GTF2E2: variants seen among roughly 807,000 people sequenced by gnomAD.
GTF2E2 encodes the protein transcription initiation factor IIE subunit beta.
Under a neutral mutation model 40.5 loss-of-function variants are expected in GTF2E2, and 21 were observed. That is an observed-to-expected ratio of 0.52 (90% CI 0.37 to 0.75). The LOEUF (loss-of-function observed/expected upper bound fraction) is 0.75, where lower values mean the gene tolerates loss of function less well. Ranked by LOEUF, GTF2E2 falls within the 30% of genes least tolerant of loss-of-function variation. GTF2E2 has a pLI of 0.00. For missense variants in GTF2E2, 298 were observed against 338.4 expected, an observed-to-expected ratio of 0.88 and a Z score of 0.94; for synonymous variants, 117 against 121.6, an observed-to-expected ratio of 0.96 and a Z score of 0.25.
chr8:30,581,706 T>G (rs1828518726), intron 6 of GTF2E2, among the ~76,000 whole-genome samples: 2 of 152,238 alleles, frequency 1.3e-5, no homozygotes, highest in Non-Finnish European at 2.9e-5. Context: ...CTGCACACAT[T>G]ATGGACATGA....
intron 2 of GTF2E2, among the ~76,000 whole-genome samples, chr8:30,635,356 C>A (rs758041028): frequency 1.3e-5 from 2 of 152,088 alleles, no homozygotes; most frequent in African/African-American, 2.4e-5. Context: ...AACCACAATT[C>A]TTTTATAAAT....
Position 30,636,954 on chromosome 8 carries a change from A to C in GTF2E2, c.167-1831T>G, listed in dbSNP as rs1176926390. On this transcript the variant is annotated intron_variant, in intron 2 of 7. Coordinates refer to ENST00000355904, the MANE Select transcript of GTF2E2 (RefSeq NM_002095.6). ...CGTAGTTCATTCTCCCAAGGTGTTC[A>C]GCACATCTGTAATAAAAGTAACCAA... The C allele has an allele frequency of 9.0e-6, 4 of 444,778 alleles. 1 individual carries two copies. The highest frequency in any genetic ancestry group is 2.6e-5 in the Admixed American group (1 of 39,096). 27.6% of individuals were successfully genotyped at this position (444,778 alleles called of 1,614,324 possible). A position where few individuals can be genotyped will look rare whatever the true frequency, so the allele number is the denominator to read the frequency against.
intron 6 of GTF2E2, chr8:30,596,916 T>C (rs1204912049): frequency 6.6e-6 from 1 of 152,320 alleles, no homozygotes; most frequent in Non-Finnish European, 1.5e-5. Flanking sequence ...AGTGGCTGGT[T>C]TGCCAGAGGA....
At chr8:30,608,723 T>C (rs1396369604) in intron 5 of GTF2E2, among the ~76,000 whole-genome samples, 8 of 152,164 alleles carry the variant, frequency 5.3e-5, no homozygotes, top group African/African-American at 1.9e-4. Flanking sequence ...TCCCAGCACT[T>C]TGGGAGGCAG....
At chr8:30,650,928 A>G (rs6468445) in intron 2 of GTF2E2, among the ~76,000 whole-genome samples, 145,325 of 151,520 alleles carry the variant, frequency 0.96, 69,755 homozygotes, top group East Asian at 0.99. Flanking sequence ...GCAGGAGAAC[A>G]GCATGAACCC....
chr8:30,637,020 T>C (rs1476110813), intron 2 of GTF2E2: 1 of 412,224 alleles, frequency 2.4e-6, no homozygotes, highest in East Asian at 7.0e-5. Context: ...TATTCATACG[T>C]AATCCCTCCC....
chr8:30,634,429 C>G (rs778010424), intron 3 of GTF2E2, among the ~76,000 whole-genome samples: 9 of 150,538 alleles, frequency 6.0e-5, no homozygotes, highest in Non-Finnish European at 1.2e-4. Context: ...GCCTGGGTAA[C>G]GGAGCAAGAC....
intron 2 of GTF2E2, among the ~76,000 whole-genome samples, chr8:30,651,185 C>T (rs1262325729): frequency 6.6e-6 from 1 of 152,082 alleles, no homozygotes; most frequent in Non-Finnish European, 1.5e-5. Flanking sequence ...ATTCAATGTA[C>T]AGCCAGTCCA....
intron 2 of GTF2E2, chr8:30,637,029 C>T (rs1006581135): frequency 4.9e-6 from 2 of 406,030 alleles, no homozygotes; most frequent in African/African-American, 4.2e-5. Flanking sequence ...GTAATCCCTC[C>T]CAAAAAATCC....
intron 6 of GTF2E2, among the ~76,000 whole-genome samples, chr8:30,590,458 T>C (rs952443909): frequency 2.0e-5 from 3 of 152,192 alleles, no homozygotes; most frequent in African/African-American, 7.2e-5. Context: ...GGTTATACAG[T>C]AGTATATATT....
intron 2 of GTF2E2, among the ~76,000 whole-genome samples, chr8:30,646,276 G>A (rs1277444715): frequency 1.3e-5 from 2 of 151,994 alleles, no homozygotes; most frequent in African/African-American, 4.8e-5. Context: ...TTCATTTCCT[G>A]AGTTTGTTCT....
At position 30,658,136 on chromosome 8, in the gene GTF2E2, C is replaced by CTGCCGG. The variant is rs1802503987; in HGVS notation, c.-169_-168insCCGGCA. The CTGCCGG allele has an allele frequency of 5.9e-6, 1 of 168,784 alleles. No homozygotes were observed. The highest frequency in any genetic ancestry group is 7.1e-5 in the Admixed American group (1 of 14,090). The allele number at this position is 168,784 out of a possible 1,614,324, so 10.5% of individuals were successfully genotyped here. A position where few individuals can be genotyped will look rare whatever the true frequency, so the allele number is the denominator to read the frequency against. On this transcript the variant is annotated 5_prime_UTR_variant, in exon 1 of 8. Coordinates refer to ENST00000355904, the MANE Select transcript of GTF2E2 (RefSeq NM_002095.6). Reference sequence around the variant, plus strand: ...GACCCGCCAGGTCGGGGTCTCACCACTGGCGGTGGCGGCGGCGGCGGCGGC... The same window carrying CTGCCGG: ...GACCCGCCAGGTCGGGGTCTCACCACTGCCGGTGGCGGTGGCGGCGGCGGCGGCGGC...
intron 5 of GTF2E2, among the ~76,000 whole-genome samples, chr8:30,611,553 T>C (rs1204575136): frequency 6.6e-6 from 1 of 151,990 alleles, no homozygotes; most frequent in South Asian, 2.1e-4. Flanking sequence ...AATTAAAAAA[T>C]TCACCAACTG....
At chr8:30,636,465 G>T (rs896887293) in intron 2 of GTF2E2, among the ~76,000 whole-genome samples, 3 of 152,232 alleles carry the variant, frequency 2.0e-5, no homozygotes, top group Non-Finnish European at 4.4e-5. Context: ...ACTCCTTTGA[G>T]ATTAGTGAAG....
rs1586014181 is a variant in GTF2E2, at chr8:30,653,651, C to A, written c.-4-49G>T. 9 of 1,325,922 alleles carry A rather than the reference C, an allele frequency of 6.8e-6. No homozygotes were observed. The East Asian group carries it at 1.9e-4, about 27-fold the overall frequency. 82.1% of individuals were successfully genotyped at this position (1,325,922 alleles called of 1,614,324 possible). On this transcript the variant is annotated intron_variant, in intron 1 of 7. Transcript: ENST00000355904. ...TTAATACAAATTCAAGTCACTCAAA[C>A]CTGCACTCCAAATCCACAGATCTCA...
At chr8:30,646,343 A>ACTGC (rs1468183307) in intron 2 of GTF2E2, among the ~76,000 whole-genome samples, 1 of 152,068 alleles carries the variant, frequency 6.6e-6, no homozygotes, top group Non-Finnish European at 1.5e-5. Context: ...AGGCAGAAAG[A>ACTGC]CTGCCCCTCC....
chr8:30,657,635 T>G (rs1289800553), intron 1 of GTF2E2: 1 of 152,140 alleles, frequency 6.6e-6, no homozygotes, highest in African/African-American at 2.4e-5. Flanking sequence ...TAAATCACAG[T>G]CTTGAGCTGG....
At chr8:30,589,516 G>C (rs1004290661) in intron 6 of GTF2E2, among the ~76,000 whole-genome samples, 2 of 152,206 alleles carry the variant, frequency 1.3e-5, no homozygotes, top group Non-Finnish European at 2.9e-5. Flanking sequence ...ACCTATGACT[G>C]TGCCATTACA....
intron 6 of GTF2E2, among the ~76,000 whole-genome samples, chr8:30,587,576 AAGATATACAAATG>A (rs1270639205): frequency 6.6e-6 from 1 of 151,948 alleles, no homozygotes; most frequent in African/African-American, 2.4e-5. Context: ...TTCTCAAAAG[AAGATATACAAATG>A]AGGCCAGGCA....
Sources: allele counts gnomAD v4.1 joint callset (sites outside exome capture counted in the v4.1 genomes callset), GRCh38; gene constraint gnomAD v4.1.1; transcripts MANE v1.5; gene names NCBI Gene and HGNC (gene_info 2026-07-23, HGNC 2026-07-21).